Variants in GIMAP8 observed in about 807,000 individuals in gnomAD.
GIMAP8 encodes the protein GTPase, IMAP family member 8, also known as GTPase IMAP family member 8.
In GIMAP8, 29 loss-of-function variants were observed where a neutral mutation model predicts 35.6. The ratio of observed to expected loss-of-function variants is 0.81; its 90% confidence interval spans 0.61 to 1.11. The LOEUF is 1.11. Ranked by LOEUF, GIMAP8 falls within the 50% of genes most tolerant of loss-of-function variation. GIMAP8 has a pLI of 0.00. For missense variants in GIMAP8, 811 were observed against 805.0 expected, an observed-to-expected ratio of 1.01 and a Z score of -0.09; for synonymous variants, 335 against 308.7, an observed-to-expected ratio of 1.09 and a Z score of -0.89.
chr7:150,466,546 A>T, intron 1 of GIMAP8, 125 bp from the exon 2 acceptor site: 1 of 771,278 alleles, frequency 1.3e-6, no homozygotes, highest in Non-Finnish European at 2.0e-6. Flanking sequence ...GTCTGGGTCT[A>T]GAACTTCAGT....
At chr7:150,470,097 A>T (rs1468192874) in intron 2 of GIMAP8, among the ~76,000 whole-genome samples, 1 of 152,214 alleles carries the variant, frequency 6.6e-6, no homozygotes, top group Non-Finnish European at 1.5e-5. Context: ...TTTACCTCAT[A>T]ACAATCTTTT....
chr7:150,452,895 CA>C (rs1267596289), intron 1 of GIMAP8, among the ~76,000 whole-genome samples: 2 of 150,826 alleles, frequency 1.3e-5, no homozygotes, highest in Non-Finnish European at 2.9e-5. Context: ...GCCTCCCTCT[CA>C]GTTCTAAAAA....
In GIMAP8 at chr7:150,477,533, A is replaced by G; in HGVS notation, c.1751A>G (p.Asn584Ser). 6.2e-7 allele frequency: 1 copy of G among 1,614,124 alleles called. No individual in the cohort carries two copies. The highest frequency in any genetic ancestry group is 8.5e-7 in the Non-Finnish European group (1 of 1,180,024). ...NLEDFMKNSD[N>S]KALRRIFKKC... ...GAAGACTTCATGAAGAACTCAGATA[A>G]CAAAGCCCTTCGGCGCATTTTTAAA... Residue 584 changes from asparagine to serine, a missense_variant, in exon 5 of 5, where the codon AAC becomes AGC. Coordinates refer to ENST00000307271, the MANE Select transcript of GIMAP8 (RefSeq NM_175571.4).
chr7:150,460,645 C>T lies in GIMAP8; in HGVS notation c.-28-6026C>T, dbSNP rs1801823283. On this transcript the variant is annotated intron_variant, in intron 1 of 4. Coordinates refer to ENST00000307271, the MANE Select transcript of GIMAP8 (RefSeq NM_175571.4). ...ATATTGTGCAGAACTATCTGTAAAC[C>T]AGCTCTGAGTTTTCTCTTCCTCTGT... 2.0e-5 allele frequency among the ~76,000 whole-genome samples: 3 copies of T among 152,290 alleles called. No homozygotes were observed. In the South Asian group the frequency reaches 6.2e-4, roughly 32 times the overall value.
intron 1 of GIMAP8, among the ~76,000 whole-genome samples, chr7:150,456,323 C>T (rs1288937177): frequency 6.6e-6 from 1 of 152,202 alleles, no homozygotes; most frequent in Non-Finnish European, 1.5e-5. Context: ...GGTCCTTCTG[C>T]AGGTTCTATG....
At chr7:150,464,591 G>A (rs1378493685) in intron 1 of GIMAP8, among the ~76,000 whole-genome samples, 1 of 152,184 alleles carries the variant, frequency 6.6e-6, no homozygotes, top group Non-Finnish European at 1.5e-5. Context: ...GGTCGAGGCA[G>A]GAGATGACTT....
Position 150,470,006 on chromosome 7 carries a change from G to A in GIMAP8, c.637-823G>A, listed in dbSNP as rs570151537. 6.6e-5 allele frequency among the ~76,000 whole-genome samples: 10 copies of A among 152,304 alleles called. 1 individual carries two copies. Among genetic ancestry groups the A allele is most frequent in the African/African-American group, 2.4e-4 (10 of 41,560 alleles). On this transcript the variant is annotated intron_variant, in intron 2 of 4. Coordinates refer to ENST00000307271, the MANE Select transcript of GIMAP8 (RefSeq NM_175571.4). ...ATTTGTATGAACATAGAAAAAGATA[G>A]AAGTATATATACCAGTTAACAACTG...
rs117378251 is a variant in GIMAP8, at chr7:150,478,032, G to C, written c.*252G>C. On this transcript the variant is annotated 3_prime_UTR_variant, in exon 5 of 5. Transcript: ENST00000307271. Reference sequence around the variant, plus strand: ...ATCTGGAAAAAGATTTCAGACATTAGGCTGATAATAAGTGGTAGAATCAAG... The same window carrying C: ...ATCTGGAAAAAGATTTCAGACATTACGCTGATAATAAGTGGTAGAATCAAG... 4.2e-4 allele frequency: 219 copies of C among 518,368 alleles called. 2 individuals carry two copies. The East Asian group carries it at 6.3e-3, about 15-fold the overall frequency. The allele number at this position is 518,368 out of a possible 1,614,324, so 32.1% of individuals were successfully genotyped here.
At chr7:150,470,250 G>A (rs1802057552) in intron 2 of GIMAP8, among the ~76,000 whole-genome samples, 2 of 152,128 alleles carry the variant, frequency 1.3e-5, no homozygotes, top group African/African-American at 4.8e-5. Flanking sequence ...AGAAAGCAGA[G>A]GGAAGATTTC....
chr7:150,467,430 G>A, intron 2 of GIMAP8, 96 bp downstream of exon 2: 1 of 960,938 alleles, frequency 1.0e-6, no homozygotes, highest in Non-Finnish European at 1.6e-6. Flanking sequence ...TTGTGTGATG[G>A]AACATGGGTT....
At chr7:150,453,641 C>T (rs759115572) in intron 1 of GIMAP8, among the ~76,000 whole-genome samples, 1 of 152,242 alleles carries the variant, frequency 6.6e-6, no homozygotes, top group Non-Finnish European at 1.5e-5. Flanking sequence ...AACTCAGAAA[C>T]AAGTATTTAT....
Position 150,470,831 on chromosome 7 carries a change from TTG to T in GIMAP8, c.644_645del (p.Val215GlufsTer2). On this transcript the variant is annotated frameshift_variant, in exon 3 of 5. Transcript: ENST00000307271. LOFTEE classifies it high-confidence loss of function. ...FKTEGSRFQD[C>X]VNEAASQEGD... Reference sequence around the variant, plus strand: ...TATTTTGTTCCTTTATTTTCTAGGATTGTGTGAATGAAGCTGCATCTCAAGAG... The same window carrying T: ...TATTTTGTTCCTTTATTTTCTAGGATTGTGAATGAAGCTGCATCTCAAGAG... 2 of 1,602,898 alleles carry T rather than the reference TTG, an allele frequency of 1.2e-6. No homozygotes were observed. Among genetic ancestry groups the T allele is most frequent in the Non-Finnish European group, 1.7e-6 (2 of 1,170,992 alleles).
intron 1 of GIMAP8, among the ~76,000 whole-genome samples, chr7:150,454,204 G>T (rs1294551635): frequency 6.6e-6 from 1 of 151,902 alleles, no homozygotes; most frequent in East Asian, 1.9e-4. Context: ...CACAAGGTAG[G>T]GTCTCGTGAC....
chr7:150,476,395 G>A (rs1294404145), intron 4 of GIMAP8, among the ~76,000 whole-genome samples: 1 of 152,212 alleles, frequency 6.6e-6, no homozygotes, highest in Non-Finnish European at 1.5e-5. Context: ...CATTTATAGG[G>A]AAATTCATTC....
Position 150,467,167 on chromosome 7 carries a change from T to C in GIMAP8, c.469T>C (p.Leu157=), listed in dbSNP as rs1801983693. The C allele has an allele frequency of 6.2e-7, 1 of 1,614,018 alleles. No homozygotes were observed. Among genetic ancestry groups the C allele is most frequent in the Admixed American group, 1.7e-5 (1 of 60,000 alleles). The change falls in exon 2 of 5, where the codon TTG becomes CTG. Residue 157 remains leucine (L), a synonymous_variant. Coordinates refer to ENST00000307271, the MANE Select transcript of GIMAP8 (RefSeq NM_175571.4). ...FIEKNKPLKQ[L]VQDYEGRYCI... Reference sequence around the variant, plus strand: ...TGAAAAAAACAAACCTCTCAAGCAGTTGGTTCAAGACTATGAGGGCCGATA... The same window carrying C: ...TGAAAAAAACAAACCTCTCAAGCAGCTGGTTCAAGACTATGAGGGCCGATA...
At chr7:150,454,660 A>T (rs1333689936) in intron 1 of GIMAP8, among the ~76,000 whole-genome samples, 2 of 152,222 alleles carry the variant, frequency 1.3e-5, no homozygotes, top group African/African-American at 4.8e-5. Flanking sequence ...GAACACTTAC[A>T]AAAATTTCAC....
Position 150,451,682 on chromosome 7 carries a change from C to T in GIMAP8, c.-29+507C>T, listed in dbSNP as rs188121681. The stretch of plus-strand genomic sequence containing the variant: ...AGAGCAGCCCCCAGGAGGAAGCCAG[C>T]GGAGCTCCTCCCGCAAAGCAGGGGG... On this transcript the variant is annotated intron_variant, in intron 1 of 4. Coordinates refer to ENST00000307271, the MANE Select transcript of GIMAP8 (RefSeq NM_175571.4). The surrounding 1 kb of genome is among the most constrained non-coding windows in gnomAD (Gnocchi z 4.1). Among the ~76,000 whole-genome samples, 5 of 152,278 alleles carry T rather than the reference C, an allele frequency of 3.3e-5. No homozygotes were observed. Among genetic ancestry groups the T allele is most frequent in the Admixed American group, 2.0e-4 (3 of 15,306 alleles).
Position 150,451,931 on chromosome 7 carries a change from C to T in GIMAP8, c.-29+756C>T, listed in dbSNP as rs568548324. On this transcript the variant is annotated intron_variant, in intron 1 of 4. Coordinates refer to ENST00000307271, the MANE Select transcript of GIMAP8 (RefSeq NM_175571.4). This position sits in a 1 kb window ranked among gnomAD's most constrained non-coding sequence, Gnocchi z 4.1. ...TGGGCTGGGTCTAAGGTCTTCCCCA[C>T]GCTGGGCTCTGGAGGCATCTCCAAC... 9.5e-4 allele frequency among the ~76,000 whole-genome samples: 144 copies of T among 152,288 alleles called. No homozygotes were observed. The highest frequency in any genetic ancestry group is 3.4e-3 in the Middle Eastern group (1 of 292).
At chr7:150,468,777 AAG>A (rs982005371) in intron 2 of GIMAP8, among the ~76,000 whole-genome samples, 1 of 152,200 alleles carries the variant, frequency 6.6e-6, no homozygotes, top group African/African-American at 2.4e-5. Flanking sequence ...GCATGGAAAT[AAG>A]AGAGAAATCA....
Sources: allele counts gnomAD v4.1 joint callset (sites outside exome capture counted in the v4.1 genomes callset), GRCh38; gene constraint gnomAD v4.1.1; non-coding constraint Gnocchi (gnomAD v3.1); transcripts MANE v1.5; gene names NCBI Gene and HGNC (gene_info 2026-07-23, HGNC 2026-07-21).